The following TIMM23B variants were observed in gnomAD, a reference collection of about 807,000 sequenced individuals.
TIMM23B encodes the protein mitochondrial import inner membrane translocase subunit Tim23B.
A neutral mutation model predicts 27.3 loss-of-function variants in TIMM23B; 27 were observed. The ratio of observed to expected loss-of-function variants is 0.99; its 90% CI spans 0.73 to 1.36. The LOEUF is 1.36. Ranked by LOEUF, TIMM23B falls within the 40% of genes most tolerant of loss-of-function variation. The probability of loss-of-function intolerance (pLI) is 0.00; values close to 1 mark genes in which losing one functional copy is unlikely to be tolerated. For synonymous variants in TIMM23B, 73 were observed against 92.4 expected (o/e 0.79, Z 1.21); for missense variants, 205 against 244.2 (o/e 0.84, Z 1.07).
At chr10:49,950,335 A>G (rs1331174690) in intron 2 of TIMM23B, among the ~76,000 whole-genome samples, 4 of 151,450 alleles carry the variant, frequency 2.6e-5, no homozygotes, top group African/African-American at 9.7e-5. Context: ...CAGGTTTAAC[A>G]AGAGCTTTTT....
chr10:49,945,198 C>G (rs1839317824), intron 2 of TIMM23B, 108 bp downstream of exon 2: 1 of 1,047,328 alleles, frequency 9.5e-7, no homozygotes, highest in Non-Finnish European at 1.4e-6. Context: ...GGCAGTAAGT[C>G]TCTGGTCTCC....
At chr10:49,950,071 T>A (rs1187152072) in intron 2 of TIMM23B, among the ~76,000 whole-genome samples, 1 of 152,180 alleles carries the variant, frequency 6.6e-6, no homozygotes, top group Admixed American at 6.5e-5. Flanking sequence ...AACTTTTTTT[T>A]AAATTGTGTC....
chr10:49,964,520 G>T lies in TIMM23B; in HGVS notation c.514+6040G>T, dbSNP rs1288966588. On this transcript the variant is annotated intron_variant, in intron 6 of 6. Coordinates refer to ENST00000651259, the MANE Select transcript of TIMM23B (RefSeq NM_001290117.2). Reference sequence around the variant, plus strand: ...ATTCTGGGTGCAGTGGCGCACTCCAGCCTGGGCAATAGAGGGAGTCTCCGT... The same window carrying T: ...ATTCTGGGTGCAGTGGCGCACTCCATCCTGGGCAATAGAGGGAGTCTCCGT... Among the ~76,000 whole-genome samples, 3 of 152,132 alleles carry T rather than the reference G, an allele frequency of 2.0e-5. No individual in the cohort carries two copies. The East Asian group carries it at 5.8e-4, about 29-fold the overall frequency.
At chr10:49,945,529 C>T (rs1839328102) in intron 2 of TIMM23B, among the ~76,000 whole-genome samples, 1 of 152,122 alleles carries the variant, frequency 6.6e-6, no homozygotes, top group East Asian at 1.9e-4. Flanking sequence ...TACAGGCGCC[C>T]ATCACCACGC....
In TIMM23B at chr10:49,952,149, T is replaced by C; in HGVS notation, c.189T>C (p.Pro63=). 6.2e-7 allele frequency: 1 copy of C among 1,603,242 alleles called. No individual in the cohort carries two copies. The highest frequency in any genetic ancestry group is 1.7e-5 in the Admixed American group (1 of 60,002). Reference sequence around the variant, plus strand: ...AGGATACAGATGAGTTCATTTTACCTACCGGAGCTAATAAAACCTGGGGCA... The same window carrying C: ...AGGATACAGATGAGTTCATTTTACCCACCGGAGCTAATAAAACCTGGGGCA... ...LVQDTDEFIL[P]TGANKTWGRF... is the part of the protein sequence containing the mutation. The change falls in exon 3 of 7, where the codon CCT becomes CCC. Residue 63 remains proline (P), a synonymous_variant. Coordinates refer to ENST00000651259, the MANE Select transcript of TIMM23B (RefSeq NM_001290117.2).
chr10:49,945,570 C>T (rs1338696399), intron 2 of TIMM23B, among the ~76,000 whole-genome samples: 19 of 152,164 alleles, frequency 1.2e-4, no homozygotes, highest in African/African-American at 4.1e-4. Context: ...CAATAGAGAC[C>T]GGGTTTCACC....
intron 1 of TIMM23B, among the ~76,000 whole-genome samples, chr10:49,943,065 T>A (rs1379908604): frequency 7.9e-5 from 12 of 152,358 alleles, no homozygotes; most frequent in African/African-American, 2.6e-4. Flanking sequence ...ATCCTTGTAA[T>A]ATTTCTCTAG....
intron 5 of TIMM23B, among the ~76,000 whole-genome samples, chr10:49,956,465 GTGTGTA>G (rs1471367437): frequency 0.024 from 2,640 of 109,958 alleles, 245 homozygotes; most frequent in Middle Eastern, 0.084. Flanking sequence ...GTGTGTGTGT[GTGTGTA>G]TGTGTGTCTT....
intron 5 of TIMM23B, among the ~76,000 whole-genome samples, chr10:49,957,144 C>CACAA (rs1839751624): frequency 1.3e-5 from 2 of 152,146 alleles, no homozygotes; most frequent in African/African-American, 4.8e-5. Flanking sequence ...TCTGACCAAC[C>CACAA]AGCTTTGTCA....
chr10:49,967,111 A>G (rs2805286), intron 6 of TIMM23B, among the ~76,000 whole-genome samples: 1 of 152,148 alleles, frequency 6.6e-6, no homozygotes, highest in Non-Finnish European at 1.5e-5. Context: ...TTGTAGAGAC[A>G]GGGTTTCACC....
chr10:49,966,337 C>T (rs548545338), intron 6 of TIMM23B, among the ~76,000 whole-genome samples: 7 of 150,800 alleles, frequency 4.6e-5, no homozygotes, highest in South Asian at 2.1e-4. Flanking sequence ...CCAGCCTGGG[C>T]GATTGAGCGA....
At chr10:49,971,472 A>G (rs1160152808) in intron 6 of TIMM23B, among the ~76,000 whole-genome samples, 1 of 152,210 alleles carries the variant, frequency 6.6e-6, no homozygotes, top group Non-Finnish European at 1.5e-5. Context: ...TGTAAGCAGT[A>G]TAAGACTTTA....
intron 6 of TIMM23B, 80 bp downstream of exon 6, chr10:49,958,560 A>G (rs1839797231): frequency 8.1e-7 from 1 of 1,233,288 alleles, no homozygotes; most frequent in Non-Finnish European, 1.2e-6. Context: ...CAAGGAAATT[A>G]CACTCTGTTG....
At chr10:49,957,400 C>G (rs1479612049) in intron 5 of TIMM23B, among the ~76,000 whole-genome samples, 1 of 151,950 alleles carries the variant, frequency 6.6e-6, no homozygotes, top group Non-Finnish European at 1.5e-5. Context: ...GCAACATGCA[C>G]CACCATGCCA....
chr10:49,957,055 C>T (rs1410282892), intron 5 of TIMM23B, among the ~76,000 whole-genome samples: 214 of 150,346 alleles, frequency 1.4e-3, no homozygotes, highest in Admixed American at 3.4e-3. Context: ...GCAGGTTGAG[C>T]ACTCTGTCCC....
chr10:49,944,629 A>T (rs1425646473), intron 1 of TIMM23B, among the ~76,000 whole-genome samples: 1 of 152,208 alleles, frequency 6.6e-6, no homozygotes, highest in African/African-American at 2.4e-5. Context: ...AGAAAACCCA[A>T]CCCAACCACT....
rs1476811671 is a variant in TIMM23B, at chr10:49,953,206, G to A, written c.344+673G>A. On this transcript the variant is annotated intron_variant, in intron 4 of 6. Coordinates refer to ENST00000651259, the MANE Select transcript of TIMM23B (RefSeq NM_001290117.2). Reference sequence around the variant, plus strand: ...CCCATTTTTATGCTTCATGTAAGTGGAATCATGAGTATGTATTCTTCGATG... The same window carrying A: ...CCCATTTTTATGCTTCATGTAAGTGAAATCATGAGTATGTATTCTTCGATG... 3.2e-4 allele frequency among the ~76,000 whole-genome samples: 48 copies of A among 151,938 alleles called. 2 individuals are homozygous for A. Among genetic ancestry groups the A allele is most frequent in the Non-Finnish European group, 1.8e-4 (12 of 68,008 alleles).
intron 5 of TIMM23B, among the ~76,000 whole-genome samples, chr10:49,957,074 G>A (rs1839748416): frequency 1.3e-5 from 2 of 150,930 alleles, no homozygotes; most frequent in Admixed American, 1.3e-4. Context: ...CCACAAAACT[G>A]AGCCCCACTT....
chr10:49,949,482 T>A (rs1389896716), intron 2 of TIMM23B, among the ~76,000 whole-genome samples: 2 of 152,104 alleles, frequency 1.3e-5, no homozygotes, highest in Non-Finnish European at 2.9e-5. Flanking sequence ...TTTGCTTTAA[T>A]GTTGAATCTA....
Sources: allele counts gnomAD v4.1 joint callset (sites outside exome capture counted in the v4.1 genomes callset), GRCh38; gene constraint gnomAD v4.1.1; transcripts MANE v1.5; gene names NCBI Gene and HGNC (gene_info 2026-07-23, HGNC 2026-07-21).